ERMP1: variants seen among roughly 807,000 people sequenced by gnomAD.
The protein encoded by ERMP1 is Felix-ina.
Under a neutral mutation model 92.0 loss-of-function variants are expected in ERMP1, and 86 were observed. The ratio of observed to expected loss-of-function variants is 0.93; its 90% CI spans 0.79 to 1.12. The LOEUF (loss-of-function observed/expected upper bound fraction) is 1.12, where lower values mean the gene tolerates loss of function less well. Among genes scored for constraint, ERMP1 ranks in the 50% most tolerant of loss-of-function variants. The pLI, the probability that ERMP1 is intolerant of heterozygous loss-of-function variation, is 0.00. For missense variants in ERMP1, 1,342 were observed against 1,116.3 expected (o/e 1.20, Z -2.88); for synonymous variants, 530 against 412.8 (o/e 1.28, Z -3.44).
At chr9:5,815,605 A>G (rs1426872639) in intron 4 of ERMP1, among the ~76,000 whole-genome samples, 1 of 152,136 alleles carries the variant, frequency 6.6e-6, no homozygotes, top group East Asian at 1.9e-4. Context: ...CATTTGGTAA[A>G]CATTGTAATA....
chr9:5,821,388 T>A (rs1017831470), intron 4 of ERMP1, among the ~76,000 whole-genome samples: 1 of 152,224 alleles, frequency 6.6e-6, no homozygotes, highest in African/African-American at 2.4e-5. Context: ...ATTAACAGTT[T>A]GTTTACACCC....
At chr9:5,842,333 A>G (rs1830175302) in intron 6 of ERMP1, among the ~76,000 whole-genome samples, 2 of 151,730 alleles carry the variant, frequency 1.3e-5, no homozygotes, top group Admixed American at 6.6e-5. Flanking sequence ...TCCTTTAGCT[A>G]GACAGAGAAG....
At chr9:5,814,177 A>G (rs1019662223) in intron 4 of ERMP1, among the ~76,000 whole-genome samples, 1 of 152,208 alleles carries the variant, frequency 6.6e-6, no homozygotes, top group Non-Finnish European at 1.5e-5. Context: ...CATCCCTTAT[A>G]GGGGCTTCTC....
chr9:5,831,699 T>C lies in ERMP1; in HGVS notation c.339-671A>G, dbSNP rs191035458. On this transcript the variant is annotated intron_variant, in intron 1 of 14. Coordinates refer to ENST00000339450, the MANE Select transcript of ERMP1 (RefSeq NM_024896.3). The stretch of plus-strand genomic sequence containing the variant: ...CGTTACAGATTCTGGGTTAATGACT[T>C]TAAGTAGCAGAAACCAATGAGCAAA... Among the ~76,000 whole-genome samples, 148 of 152,230 alleles carry C rather than the reference T, an allele frequency of 9.7e-4. 1 individual carries two copies. Among genetic ancestry groups the C allele is most frequent in the African/African-American group, 3.4e-3 (142 of 41,538 alleles).
chr9:5,847,913 GAA>G (rs71487839), intron 6 of ERMP1, among the ~76,000 whole-genome samples: 4 of 130,488 alleles, frequency 3.1e-5, no homozygotes, highest in Non-Finnish European at 5.0e-5. Context: ...AAAAAGACAG[GAA>G]AAAAAAAAAA....
intron 4 of ERMP1, among the ~76,000 whole-genome samples, chr9:5,816,241 G>T (rs1829301007): frequency 1.3e-5 from 2 of 152,050 alleles, no homozygotes; most frequent in African/African-American, 4.8e-5. Context: ...AAATGGTTAG[G>T]ACATTAATGG....
At chr9:5,827,006 C>A (rs1829753064) in intron 2 of ERMP1, among the ~76,000 whole-genome samples, 1 of 152,120 alleles carries the variant, frequency 6.6e-6, no homozygotes, top group Non-Finnish European at 1.5e-5. Context: ...TAGCTGACAT[C>A]CCTTTCCATT....
chr9:5,792,801 T>C (rs1044670797), intron 13 of ERMP1, among the ~76,000 whole-genome samples: 8 of 152,112 alleles, frequency 5.3e-5, no homozygotes, highest in African/African-American at 1.4e-4. Context: ...GCAAGCTCCA[T>C]AGCAACCACT....
upstream of ERMP1, among the ~76,000 whole-genome samples, chr9:5,833,278 C>T (rs1830032428): frequency 6.6e-6 from 1 of 152,232 alleles, no homozygotes; most frequent in African/African-American, 2.4e-5. Flanking sequence ...TTTTCCAGCC[C>T]TCTGTAGGAC....
chr9:5,841,662 G>A (rs761879499), intron 6 of ERMP1, among the ~76,000 whole-genome samples: 17 of 152,226 alleles, frequency 1.1e-4, no homozygotes, highest in African/African-American at 3.4e-4. Flanking sequence ...ATGGTGGCAC[G>A]TGCCTGTAAT....
intron 6 of ERMP1, among the ~76,000 whole-genome samples, 161 bp downstream of exon 6, chr9:5,811,964 G>A (rs1316523637): frequency 6.6e-6 from 1 of 152,116 alleles, no homozygotes; most frequent in Non-Finnish European, 1.5e-5. Context: ...TAGACTACAA[G>A]ACTAAAATTC....
At chr9:5,862,367 C>T (rs1830524984) in intron 5 of ERMP1, among the ~76,000 whole-genome samples, 1 of 151,950 alleles carries the variant, frequency 6.6e-6, no homozygotes, top group South Asian at 2.1e-4. Context: ...GAGTCTCACT[C>T]TGTCATCCAC....
chr9:5,842,121 G>C (rs1028504493), intron 6 of ERMP1, among the ~76,000 whole-genome samples: 2 of 152,148 alleles, frequency 1.3e-5, no homozygotes, highest in South Asian at 2.1e-4. Flanking sequence ...AAAGAACAAA[G>C]CCTCCACACA....
chr9:5,790,869 G>A (rs1828162626), intron 13 of ERMP1, among the ~76,000 whole-genome samples: 1 of 152,310 alleles, frequency 6.6e-6, no homozygotes, highest in Middle Eastern at 3.4e-3. Context: ...GCTTTGTGGG[G>A]TGATGGAAAT....
intron 13 of ERMP1, among the ~76,000 whole-genome samples, chr9:5,792,755 T>A (rs556772888): frequency 6.6e-6 from 1 of 152,194 alleles, no homozygotes; most frequent in Non-Finnish European, 1.5e-5. Context: ...TGCACTACCA[T>A]GAAGCAGTAC....
At chr9:5,791,405 C>A in intron 13 of ERMP1, 2 of 435,398 alleles carry the variant, frequency 4.6e-6, no homozygotes. Flanking sequence ...GGCTCACTTG[C>A]ATTATGGAGG....
chr9:5,794,949 G>T (rs2131207215), intron 13 of ERMP1, among the ~76,000 whole-genome samples: 1 of 152,146 alleles, frequency 6.6e-6, no homozygotes, highest in South Asian at 2.1e-4. Context: ...AACAATACAA[G>T]AAAACTATAA....
chr9:5,832,634 C>A, intron 1 of ERMP1, 56 bp downstream of exon 1: 1 of 1,309,682 alleles, frequency 7.6e-7, no homozygotes, highest in Non-Finnish European at 9.8e-7. Flanking sequence ...GCCCCGGAGC[C>A]TGCGCAGGAG....
chr9:5,864,620 T>A (rs1042783354), intron 5 of ERMP1, among the ~76,000 whole-genome samples: 1 of 152,070 alleles, frequency 6.6e-6, no homozygotes, highest in African/African-American at 2.4e-5. Context: ...GGTAGAGATG[T>A]TTGGGGCAGG....
Sources: gnomAD v4.1 joint callset for allele counts (sites outside exome capture counted in the v4.1 genomes callset) on GRCh38, gnomAD v4.1.1 for gene constraint, MANE v1.5 for transcripts, NCBI Gene and HGNC (gene_info 2026-07-23, HGNC 2026-07-21) for gene names.